Variants in ADGRA1 observed in about 807,000 individuals in gnomAD.
The protein encoded by ADGRA1 is adhesion G protein-coupled receptor A1.
In ADGRA1, 12 loss-of-function variants were observed where a neutral mutation model predicts 21.3. That is an observed-to-expected ratio of 0.56 (90% CI 0.36 to 0.91). The LOEUF is 0.91. Ranked by LOEUF, ADGRA1 falls within the 40% of genes least tolerant of loss-of-function variation. The probability of loss-of-function intolerance (pLI) is 0.01; values close to 1 mark genes in which losing one functional copy is unlikely to be tolerated. For missense variants in ADGRA1, 790 were observed against 805.6 expected, an observed-to-expected ratio of 0.98 and a Z score of 0.23; for synonymous variants, 385 against 368.8, an observed-to-expected ratio of 1.04 and a Z score of -0.50.
chr10:133,128,821 T>C lies in ADGRA1; in HGVS notation c.993T>C (p.Leu331=), dbSNP rs947108910. The change falls in exon 7 of 7, where the codon CTT becomes CTC. Residue 331 remains leucine, a synonymous_variant. Coordinates refer to ENST00000392607, the MANE Select transcript of ADGRA1 (RefSeq NM_001083909.3). ...CCCGCAAGGACGCCCACCCCGCACT[T>C]GACGCCAACGGGGCCGCGCTGGGCC... The part of the protein sequence containing the change: ...CPPRKDAHPA[L]DANGAALGRA... 1.9e-6 allele frequency: 3 copies of C among 1,604,560 alleles called. No homozygotes were observed. Among genetic ancestry groups the C allele is most frequent in the Non-Finnish European group, 2.5e-6 (3 of 1,176,694 alleles).
At chr10:133,100,519 G>A (rs370142321) in intron 4 of ADGRA1, among the ~76,000 whole-genome samples, 15 of 152,344 alleles carry the variant, frequency 9.8e-5, no homozygotes, top group African/African-American at 2.6e-4. Context: ...CCAGGCCTGC[G>A]GTGACAGCTC....
chr10:133,126,565 C>T (rs902454711), intron 5 of ADGRA1, among the ~76,000 whole-genome samples: 3 of 152,252 alleles, frequency 2.0e-5, no homozygotes, highest in Admixed American at 6.5e-5. Flanking sequence ...GGGCTGGAGG[C>T]GGTGAGCAAG....
intron 5 of ADGRA1, among the ~76,000 whole-genome samples, chr10:133,114,422 G>A (rs11812440): frequency 0.05 from 7,578 of 152,258 alleles, 609 homozygotes; most frequent in African/African-American, 0.17. Flanking sequence ...GTCACGAAGC[G>A]TCCTCAGCTC....
intron 4 of ADGRA1, among the ~76,000 whole-genome samples, chr10:133,099,617 A>G (rs1851755617): frequency 6.6e-6 from 1 of 152,152 alleles, no homozygotes; most frequent in Admixed American, 6.5e-5. Context: ...AGACCCTTAC[A>G]TCAAAACTAA....
intron 5 of ADGRA1, among the ~76,000 whole-genome samples, chr10:133,111,084 C>T (rs559177982): frequency 1.3e-5 from 2 of 152,044 alleles, no homozygotes; most frequent in African/African-American, 2.4e-5. Flanking sequence ...AAGCCACCTG[C>T]CTGCCATGGG....
intron 5 of ADGRA1, among the ~76,000 whole-genome samples, chr10:133,106,737 T>G (rs911030065): frequency 6.6e-6 from 1 of 152,246 alleles, no homozygotes; most frequent in African/African-American, 2.4e-5. Context: ...ACACAGAGTG[T>G]GCAGCATGCT....
chr10:133,096,259 G>A (rs1008629562), intron 2 of ADGRA1, among the ~76,000 whole-genome samples: 1 of 152,152 alleles, frequency 6.6e-6, no homozygotes, highest in African/African-American at 2.4e-5. Flanking sequence ...TGCTTCCCCG[G>A]TGAGCTCACC....
At chr10:133,100,821 GACGCAA>G (rs1402343196) in intron 4 of ADGRA1, among the ~76,000 whole-genome samples, 1 of 152,250 alleles carries the variant, frequency 6.6e-6, no homozygotes, top group Non-Finnish European at 1.5e-5. Context: ...TCCAGAACAG[GACGCAA>G]GTGTGGAAAA....
chr10:133,111,261 A>G (rs12776078), intron 5 of ADGRA1, among the ~76,000 whole-genome samples: 1,827 of 36,224 alleles, frequency 0.05, 28 homozygotes, highest in Non-Finnish European at 0.064. Flanking sequence ...TGCCCACCAC[A>G]GGCACCTCCC....
chr10:133,091,464 T>C (rs987142467), intron 2 of ADGRA1, among the ~76,000 whole-genome samples: 11 of 152,224 alleles, frequency 7.2e-5, no homozygotes, highest in African/African-American at 2.7e-4. Context: ...TAGGTGCAGC[T>C]GGGAGCATGA....
chr10:133,095,591 ACC>A, intron 2 of ADGRA1: 1 of 1,531,436 alleles, frequency 6.5e-7, no homozygotes, highest in South Asian at 1.2e-5. Context: ...TGCTGTTCGA[ACC>A]CTGGGGCAGG....
chr10:133,115,796 C>T (rs1852146603), intron 5 of ADGRA1, among the ~76,000 whole-genome samples: 1 of 152,172 alleles, frequency 6.6e-6, no homozygotes, highest in African/African-American at 2.4e-5. Context: ...TTCCCTTGTC[C>T]TCTGAGCCTC....
In ADGRA1 at chr10:133,097,230, G is replaced by A; in HGVS notation, c.131+129G>A. 6 of 1,160,576 alleles carry A rather than the reference G, an allele frequency of 5.2e-6. No homozygotes were observed. The South Asian group carries it at 8.4e-5, about 16-fold the overall frequency. 71.9% of individuals were successfully genotyped at this position (1,160,576 alleles called of 1,614,324 possible). On this transcript the variant is annotated intron_variant, in intron 3 of 6. Transcript: ENST00000392607. ...AGAAGTCCTTGAAGGTACAACTCAG[G>A]TCACCAGCTAGCTCAGACCCGCTCA...
chr10:133,118,620 C>T (rs1032389104), intron 5 of ADGRA1, among the ~76,000 whole-genome samples: 6 of 152,138 alleles, frequency 3.9e-5, no homozygotes, highest in Non-Finnish European at 5.9e-5. Context: ...CATTCAGTCT[C>T]GTGAGAACTC....
chr10:133,095,827 C>T, intron 2 of ADGRA1: 1 of 1,577,048 alleles, frequency 6.3e-7, no homozygotes, highest in Non-Finnish European at 8.6e-7. Context: ...GAGGGTCCCT[C>T]TCCACTTCCC....
At chr10:133,117,155 C>T (rs1028838293) in intron 5 of ADGRA1, among the ~76,000 whole-genome samples, 7 of 152,070 alleles carry the variant, frequency 4.6e-5, no homozygotes, top group Non-Finnish European at 5.9e-5. Flanking sequence ...GGTCAGTGCC[C>T]GGCAGGAGCT....
At chr10:133,098,547 C>T in intron 3 of ADGRA1, 93 bp from the exon 4 acceptor site, 1 of 1,486,264 alleles carries the variant, frequency 6.7e-7, no homozygotes, top group Non-Finnish European at 9.0e-7. Context: ...CCCGGACTTC[C>T]CGGGGACAGA....
chr10:133,125,136 A>T (rs1438773067), intron 5 of ADGRA1, among the ~76,000 whole-genome samples: 1 of 152,218 alleles, frequency 6.6e-6, no homozygotes, highest in East Asian at 1.9e-4. Flanking sequence ...TTTTCCATCC[A>T]GTTACTTTCA....
Position 133,096,969 on chromosome 10 carries a change from C to A in ADGRA1, c.4-5C>A. 6.2e-7 allele frequency: 1 copy of A among 1,610,218 alleles called. No homozygotes were observed. Among genetic ancestry groups the A allele is most frequent in the Non-Finnish European group, 8.5e-7 (1 of 1,176,918 alleles). ...TCACACACGTCTCCTTTGCTTTATC[C>A]TCAGGATCTGAAGACAGTGCTCTCC... On this transcript the variant is annotated splice_polypyrimidine_tract_variant and splice_region_variant and intron_variant, in intron 2 of 6. Transcript: ENST00000392607.
Sources: gnomAD v4.1 joint callset for allele counts (sites outside exome capture counted in the v4.1 genomes callset) on GRCh38, gnomAD v4.1.1 for gene constraint, MANE v1.5 for transcripts, NCBI Gene and HGNC (gene_info 2026-07-23, HGNC 2026-07-21) for gene names.